The following ABCA7 variants were observed in gnomAD, a reference collection of about 807,000 sequenced individuals.
ABCA7 encodes phospholipid-transporting ATPase ABCA7.
In ABCA7, 261 loss-of-function variants were observed where a neutral mutation model predicts 227.6. The ratio of observed to expected loss-of-function variants is 1.15; its 90% CI spans 1.04 to 1.27. The LOEUF is 1.27. Ranked by LOEUF, ABCA7 falls within the 50% of genes most tolerant of loss-of-function variation. The pLI is 0.00. For missense variants in ABCA7, 3,331 were observed against 2,924.5 expected (o/e 1.14, Z -3.21); for synonymous variants, 1,488 against 1,279.7 (o/e 1.16, Z -3.47).
At position 1,049,486 on chromosome 19, in the gene ABCA7, GTGAGC is replaced by G. The variant is rs773579690; in HGVS notation, c.2552+50_2552+54del. 1,430 of 529,118 alleles carry G rather than the reference GTGAGC, an allele frequency of 2.7e-3. 265 individuals are homozygous for G. The East Asian group carries it at 0.051, about 19-fold the overall frequency. The allele number at this position is 529,118 out of a possible 1,614,324, so 32.8% of individuals were successfully genotyped here. A position where few individuals can be genotyped will look rare whatever the true frequency, so the allele number is the denominator to read the frequency against. ...CCGTGAGCCCCCCCACTCCCACCCCGTGAGCCCCCCCACCACTCCCTCCCCGTGAG... is the reference window on the plus strand; with the variant it reads ...CCGTGAGCCCCCCCACTCCCACCCCGCCCCCCACCACTCCCTCCCCGTGAG... On this transcript the variant is annotated intron_variant, in intron 18 of 46. Transcript: ENST00000263094.
chr19:1,056,001 C>A lies in ABCA7; in HGVS notation c.4238+62C>A. 2 of 1,545,646 alleles carry A rather than the reference C, an allele frequency of 1.3e-6. No homozygotes were observed. Among genetic ancestry groups the A allele is most frequent in the Non-Finnish European group, 8.7e-7 (1 of 1,148,070 alleles). On this transcript the variant is annotated intron_variant, in intron 31 of 46. Coordinates refer to ENST00000263094, the MANE Select transcript of ABCA7 (RefSeq NM_019112.4). The surrounding 1 kb of genome is among the most constrained non-coding windows in gnomAD (Gnocchi z 4.3). The stretch of plus-strand genomic sequence containing the variant: ...TTCCACTCCCATGCCCTCTGCCTGC[C>A]CCCTGGGAGCTCTCCCGGCCCCCCC...
chr19:1,062,104 CCT>C (rs1379094236), intron 41 of ABCA7, 66 bp from the exon 42 acceptor site: 7 of 1,580,576 alleles, frequency 4.4e-6, no homozygotes, highest in Non-Finnish European at 6.0e-6. Context: ...CCCTGAGACC[CCT>C]GTGTTAGCCA....
intron 40 of ABCA7, among the ~76,000 whole-genome samples, chr19:1,060,208 T>TATATATATATATA (rs1555699222): frequency 1.7e-5 from 2 of 118,712 alleles, no homozygotes; most frequent in African/African-American, 7.7e-5. Context: ...TATATATATA[T>TATATATATATATA]TTTTTTTTCT....
At chr19:1,042,475 C>T (rs2040153489) in intron 6 of ABCA7, 78 bp downstream of exon 6, 2 of 1,542,218 alleles carry the variant, frequency 1.3e-6, no homozygotes, top group Non-Finnish European at 8.9e-7. Flanking sequence ...CCACCCCGGG[C>T]CAAGGACCTC....
At position 1,052,321 on chromosome 19, in the gene ABCA7, G is replaced by A. The variant is rs1353018524; in HGVS notation, c.3220+35G>A. ...GGGGTGGGAGACCCAAGGCGGGTGGGCAGTGGGGTGGCTGTGCCTTAACTT... is the reference window on the plus strand; with the variant it reads ...GGGGTGGGAGACCCAAGGCGGGTGGACAGTGGGGTGGCTGTGCCTTAACTT... On this transcript the variant is annotated intron_variant, in intron 23 of 46. Coordinates refer to ENST00000263094, the MANE Select transcript of ABCA7 (RefSeq NM_019112.4). 13 of 1,526,108 alleles carry A rather than the reference G, an allele frequency of 8.5e-6. No individual in the cohort carries two copies. In the East Asian group the frequency reaches 2.2e-4, roughly 26 times the overall value. 94.5% of individuals were successfully genotyped at this position (1,526,108 alleles called of 1,614,324 possible). A position where few individuals can be genotyped will look rare whatever the true frequency, so the allele number is the denominator to read the frequency against.
Position 1,046,842 on chromosome 19 carries a change from A to C in ABCA7, c.1663A>C (p.Thr555Pro). Residue 555 changes from threonine (T) to proline (P), a missense_variant, in exon 14 of 47, where the codon ACG becomes CCG. Physicochemically the swap from Thr to Pro is conservative, Grantham distance 38 (BLOSUM62 -1). Transcript: ENST00000263094. ...VLSRSLPLFLTLAWIYSVTLT... is the reference protein window; with the variant it reads ...VLSRSLPLFLPLAWIYSVTLT... The stretch of plus-strand genomic sequence containing the variant: ...GAGCCGGTCGCTGCCGCTCTTCCTG[A>C]CGCTGGCCTGGATCTACTCCGTGAC... 1 of 1,541,242 alleles carries C rather than the reference A, an allele frequency of 6.5e-7. No homozygotes were observed. The highest frequency in any genetic ancestry group is 2.0e-5 in the Admixed American group (1 of 51,114).
intron 7 of ABCA7, 99 bp downstream of exon 7, chr19:1,042,925 G>A: frequency 6.6e-7 from 1 of 1,509,074 alleles, no homozygotes; most frequent in Non-Finnish European, 8.9e-7. Context: ...CCCTTGGGTG[G>A]GTTTTCAGGA....
Position 1,047,336 on chromosome 19 carries a change from G to A in ABCA7, c.2025G>A (p.Val675=), listed in dbSNP as rs2040798248. Reference sequence around the variant, plus strand: ...TCTACCTGCCCTACGTGCTGTGTGTGGCTTGGCGGGACCGGCTGCCCGCGG... The same window carrying A: ...TCTACCTGCCCTACGTGCTGTGTGTAGCTTGGCGGGACCGGCTGCCCGCGG... The part of the protein sequence containing the change: ...FSLYLPYVLC[V]AWRDRLPAGG... The change falls in exon 15 of 47, where the codon GTG becomes GTA. Residue 675 remains valine, a synonymous_variant. Transcript: ENST00000263094. 1 of 1,589,522 alleles carries A rather than the reference G, an allele frequency of 6.3e-7. No homozygotes were observed.
Position 1,054,069 on chromosome 19 carries a change from A to G in ABCA7, c.3536A>G (p.Lys1179Arg). 1 of 1,613,302 alleles carries G rather than the reference A, an allele frequency of 6.2e-7. No homozygotes were observed. The highest frequency in any genetic ancestry group is 8.5e-7 in the Non-Finnish European group (1 of 1,179,972). Reference protein sequence around the residue: ...IAGLDVTLRLKMPPQETALEN... With the variant: ...IAGLDVTLRLRMPPQETALEN... ...GGCCTAGACGTAACCCTACGGCTCA[A>G]GATGCCGCCACAGGAGACAGCGCTG... Residue 1179 changes from lysine to arginine, a missense_variant, in exon 26 of 47, where the codon AAG becomes AGG. Coordinates refer to ENST00000263094, the MANE Select transcript of ABCA7 (RefSeq NM_019112.4). This position sits in a 1 kb window ranked among gnomAD's most constrained non-coding sequence, Gnocchi z 4.8.
chr19:1,054,456 C>T lies in ABCA7; in HGVS notation c.3727-114C>T. 6.4e-7 allele frequency: 1 copy of T among 1,556,246 alleles called. No homozygotes were observed. The highest frequency in any genetic ancestry group is 8.7e-7 in the Non-Finnish European group (1 of 1,151,752). On this transcript the variant is annotated intron_variant, in intron 27 of 46. Transcript: ENST00000263094. The surrounding 1 kb of genome is among the most constrained non-coding windows in gnomAD (Gnocchi z 4.8). Reference sequence around the variant, plus strand: ...CCCCGTGTGTATTCCCAACCCAAAGCACATTTATTGAGGGCACTGGGGAGC... The same window carrying T: ...CCCCGTGTGTATTCCCAACCCAAAGTACATTTATTGAGGGCACTGGGGAGC...
At chr19:1,053,197 C>T in intron 23 of ABCA7, 132 bp from the exon 24 acceptor site, 1 of 954,186 alleles carries the variant, frequency 1.0e-6, no homozygotes, top group Non-Finnish European at 1.5e-6. Context: ...CCGGCCGCAC[C>T]TGGCCTACGT....
intron 36 of ABCA7, 42 bp downstream of exon 36, chr19:1,058,101 T>C: frequency 6.2e-7 from 1 of 1,613,882 alleles, no homozygotes; most frequent in Non-Finnish European, 8.5e-7. Flanking sequence ...GGTTGGGTCG[T>C]TGGACTCAGC....
In ABCA7 at chr19:1,052,055, C is replaced by T. The variant is rs141322593; in HGVS notation, c.3076C>T (p.Arg1026Cys). The change falls in exon 22 of 47, where the codon CGC (arginine) becomes TGC (cysteine). Residue 1026 changes from arginine to cysteine, a missense_variant. Physicochemically the swap from Arg to Cys is radical, Grantham distance 180. Transcript: ENST00000263094. ...CTGCTGTGGCTCCCCACTCTTCCTG[C>T]GCCGTCACCTGGGCTCCGGCTACTA... Reference protein sequence around the residue: ...LCCCGSPLFLRRHLGSGYYLT... With the variant: ...LCCCGSPLFLCRHLGSGYYLT... 97 of 1,612,234 alleles carry T rather than the reference C, an allele frequency of 6.0e-5. No homozygotes were observed. In the African/African-American group the frequency reaches 8.4e-4, roughly 14 times the overall value.
chr19:1,042,435 A>G (rs771040546), intron 6 of ABCA7, 38 bp downstream of exon 6: 11 of 1,607,574 alleles, frequency 6.8e-6, no homozygotes, highest in African/African-American at 1.3e-5. Flanking sequence ...ACTTCCTGGG[A>G]CACTGCACTG....
intron 1 of ABCA7, 39 bp from the exon 2 acceptor site, chr19:1,041,186 T>C (rs555442548): frequency 1.4e-6 from 1 of 690,046 alleles, no homozygotes; most frequent in African/African-American, 1.8e-5. Flanking sequence ...TAGCGGAGCC[T>C]CTTTATCGAG....
Position 1,047,382 on chromosome 19 carries a change from A to G in ABCA7, c.2067+4A>G, listed in dbSNP as rs2040805534. ...CGCGGGTGGCCGCGTGGCCGCGGTG[A>G]GAGCCGGGTCGGGCGTGGATGGGGG... On this transcript the variant is annotated splice_donor_region_variant and intron_variant, in intron 15 of 46. Coordinates refer to ENST00000263094, the MANE Select transcript of ABCA7 (RefSeq NM_019112.4). 6.4e-7 allele frequency: 1 copy of G among 1,562,550 alleles called. No homozygotes were observed. Among genetic ancestry groups the G allele is most frequent in the Non-Finnish European group, 8.6e-7 (1 of 1,160,994 alleles).
Position 1,042,302 on chromosome 19 carries a change from G to A in ABCA7, c.416-13G>A. 2 of 1,574,544 alleles carry A rather than the reference G, an allele frequency of 1.3e-6. No individual in the cohort carries two copies. The highest frequency in any genetic ancestry group is 2.3e-5 in the East Asian group (1 of 44,264). ...TCCCCCCAGCCCCATGCTCCCGTGC[G>A]CTCCTCCCCCAGCCCAGCCTCAACC... On this transcript the variant is annotated splice_polypyrimidine_tract_variant and intron_variant, in intron 5 of 46. Coordinates refer to ENST00000263094, the MANE Select transcript of ABCA7 (RefSeq NM_019112.4).
At position 1,055,267 on chromosome 19, in the gene ABCA7, G is replaced by C. The variant is rs761091837; in HGVS notation, c.4121G>C (p.Gly1374Ala). Residue 1374 changes from glycine (G) to alanine (A), a missense_variant, in exon 30 of 47, where the codon GGC becomes GCC. Gly to Ala is a moderately conservative substitution (Grantham distance 60). Transcript: ENST00000263094. Reference protein sequence around the residue: ...GGPPPPQAVTGSGEVVQNLTG... With the variant: ...GGPPPPQAVTASGEVVQNLTG... ...CCCCCTCCGCCCCAGGCAGTGACCG[G>C]CTCTGGGGAAGTGGTTCAGAACCTG... 6.2e-7 allele frequency: 1 copy of C among 1,603,788 alleles called. No homozygotes were observed. The highest frequency in any genetic ancestry group is 2.2e-5 in the East Asian group (1 of 44,540).
Position 1,054,153 on chromosome 19 carries a change from C to T in ABCA7, c.3578-40C>T, listed in dbSNP as rs762249202. The T allele has an allele frequency of 1.2e-6, 2 of 1,612,348 alleles. No individual in the cohort carries two copies. The highest frequency in any genetic ancestry group is 1.7e-6 in the Non-Finnish European group (2 of 1,179,632). On this transcript the variant is annotated intron_variant, in intron 26 of 46. Transcript: ENST00000263094. The surrounding 1 kb of genome is among the most constrained non-coding windows in gnomAD (Gnocchi z 4.8). ...GCCCTGGGGTCCTCCCAGCCACCCC[C>T]CCACAGCAGCGTGAGCACTGACCCT...
Sources: allele counts gnomAD v4.1 joint callset (sites outside exome capture counted in the v4.1 genomes callset), GRCh38; gene constraint gnomAD v4.1.1; non-coding constraint Gnocchi (gnomAD v3.1); transcripts MANE v1.5; gene names NCBI Gene and HGNC (gene_info 2026-07-23, HGNC 2026-07-21).